Variants in GYS2 observed in about 807,000 individuals in gnomAD.
The protein encoded by GYS2 is glycogen [starch] synthase, liver.
In GYS2, 80 loss-of-function variants were observed where a neutral mutation model predicts 85.6. That is an observed-to-expected ratio of 0.93 (90% CI 0.78 to 1.13). The LOEUF (loss-of-function observed/expected upper bound fraction) is 1.13. Among genes scored for constraint, GYS2 ranks in the 50% most tolerant of loss-of-function variants. GYS2 has a pLI of 0.00. For synonymous variants in GYS2, 328 were observed against 300.7 expected (o/e 1.09, Z -0.94); for missense variants, 881 against 854.9 (o/e 1.03, Z -0.38).
At chr12:21,587,335 T>C (rs1427250413) in intron 1 of GYS2, among the ~76,000 whole-genome samples, 1 of 152,216 alleles carries the variant, frequency 6.6e-6, no homozygotes, top group Middle Eastern at 3.2e-3. Flanking sequence ...CTGATACAGC[T>C]TGACTGTGTC....
At chr12:21,562,456 C>T (rs1944265078) in intron 7 of GYS2, among the ~76,000 whole-genome samples, 2 of 152,090 alleles carry the variant, frequency 1.3e-5, no homozygotes, top group African/African-American at 2.4e-5. Context: ...AGAGTCATAA[C>T]AAGGTTCAGT....
chr12:21,551,465 A>T (rs1486020679), intron 11 of GYS2, among the ~76,000 whole-genome samples: 1 of 151,954 alleles, frequency 6.6e-6, no homozygotes, highest in Non-Finnish European at 1.5e-5. Flanking sequence ...TGAATTATCA[A>T]TTTTAAATTG....
Position 21,542,379 on chromosome 12 carries a change from T to C in GYS2, c.1645+117A>G, listed in dbSNP as rs528040160. On this transcript the variant is annotated intron_variant, in intron 13 of 15. Transcript: ENST00000261195. ...TTGACTTTTAATTAAACAAGAAATA[T>C]AAAAACATTAGTTTAATTATCAGGA... 5.8e-4 allele frequency: 437 copies of C among 754,212 alleles called. 2 individuals are homozygous for C. The highest frequency in any genetic ancestry group is 1.2e-3 in the South Asian group (85 of 69,504). 46.7% of individuals were successfully genotyped at this position (754,212 alleles called of 1,614,324 possible).
At chr12:21,603,099 T>A (rs1033952010) in intron 1 of GYS2, among the ~76,000 whole-genome samples, 8 of 151,992 alleles carry the variant, frequency 5.3e-5, no homozygotes, top group Non-Finnish European at 8.8e-5. Flanking sequence ...ACTGGAAAAA[T>A]TTGTGACTAG....
chr12:21,563,519 C>T (rs767561017), intron 5 of GYS2, among the ~76,000 whole-genome samples, 174 bp from the exon 6 acceptor site: 3 of 152,116 alleles, frequency 2.0e-5, no homozygotes, highest in South Asian at 2.1e-4. Flanking sequence ...CATAAAAATT[C>T]GCAACAAATT....
downstream of GYS2, among the ~76,000 whole-genome samples, chr12:21,533,838 A>G (rs956963732): frequency 6.6e-6 from 1 of 152,208 alleles, no homozygotes; most frequent in Non-Finnish European, 1.5e-5. Context: ...TATTTCTCAC[A>G]ATTCTGGAGC....
chr12:21,566,258 A>G (rs1450695849), intron 5 of GYS2, among the ~76,000 whole-genome samples: 2 of 152,078 alleles, frequency 1.3e-5, no homozygotes, highest in East Asian at 3.8e-4. Flanking sequence ...TTGCACCCTC[A>G]GCGTTAAAAG....
chr12:21,592,093 T>C (rs957127941), intron 1 of GYS2, among the ~76,000 whole-genome samples: 2 of 135,946 alleles, frequency 1.5e-5, no homozygotes, highest in Non-Finnish European at 3.2e-5. Context: ...GAGAAAGAAC[T>C]CAAACGTTAC....
intron 1 of GYS2, among the ~76,000 whole-genome samples, chr12:21,596,379 C>T (rs1211917383): frequency 6.6e-6 from 1 of 151,668 alleles, no homozygotes; most frequent in Non-Finnish European, 1.5e-5. Context: ...AATTCAACAA[C>T]ATAACAAAAA....
rs575883918 is a variant in GYS2, at chr12:21,579,591, C to T, written c.303+751G>A. Among the ~76,000 whole-genome samples, 8 of 152,180 alleles carry T rather than the reference C, an allele frequency of 5.3e-5. No homozygotes were observed. The South Asian group carries it at 1.7e-3, about 32-fold the overall frequency. Reference sequence around the variant, plus strand: ...GACCAGGCTGGTCTTGAACTTCTGACCTCAGGTGATCCATCCATCTTGGCC... The same window carrying T: ...GACCAGGCTGGTCTTGAACTTCTGATCTCAGGTGATCCATCCATCTTGGCC... On this transcript the variant is annotated intron_variant, in intron 2 of 15. Coordinates refer to ENST00000261195, the MANE Select transcript of GYS2 (RefSeq NM_021957.4).
intron 2 of GYS2, among the ~76,000 whole-genome samples, chr12:21,576,403 T>G (rs1051025926): frequency 1.3e-5 from 2 of 152,218 alleles, no homozygotes; most frequent in Non-Finnish European, 2.9e-5. Flanking sequence ...AGCCATGAAA[T>G]GCTTTGTATC....
chr12:21,542,630 G>A (rs774588460), intron 12 of GYS2, 39 bp from the exon 13 acceptor site: 1 of 1,373,136 alleles, frequency 7.3e-7, no homozygotes, highest in Admixed American at 1.7e-5. Context: ...CTTCAGACCA[G>A]CGCCTATATC....
intron 11 of GYS2, among the ~76,000 whole-genome samples, chr12:21,547,366 C>A (rs1251945741): frequency 6.6e-6 from 1 of 152,142 alleles, no homozygotes; most frequent in Non-Finnish European, 1.5e-5. Context: ...TTGGAAGCAA[C>A]ACAGATGTCC....
intron 11 of GYS2, among the ~76,000 whole-genome samples, chr12:21,556,780 T>C (rs1264626034): frequency 3.9e-5 from 6 of 152,374 alleles, no homozygotes; most frequent in Non-Finnish European, 7.3e-5. Flanking sequence ...TTACTCCCAG[T>C]ATCCATCAGT....
intron 15 of GYS2, among the ~76,000 whole-genome samples, 189 bp downstream of exon 15, chr12:21,539,069 G>A (rs2136835335): frequency 6.6e-6 from 1 of 152,308 alleles, no homozygotes; most frequent in African/African-American, 2.4e-5. Flanking sequence ...TCTCCAATGA[G>A]ATGAATTAAC....
chr12:21,581,763 A>G lies in GYS2; in HGVS notation c.122-1240T>C, dbSNP rs540117123. On this transcript the variant is annotated intron_variant, in intron 1 of 15. Coordinates refer to ENST00000261195, the MANE Select transcript of GYS2 (RefSeq NM_021957.4). ...GAAAATTAAGGAGAGTATGAAAAGG[A>G]TGTTTACTAAAGCATTATGATGGCA... is the stretch of plus-strand genomic sequence containing the variant. 2.0e-5 allele frequency among the ~76,000 whole-genome samples: 3 copies of G among 152,330 alleles called. 1 individual carries two copies. The South Asian group carries it at 6.2e-4, about 32-fold the overall frequency.
In GYS2 at chr12:21,568,849, C is replaced by T; in HGVS notation, c.823+16G>A. On this transcript the variant is annotated intron_variant, in intron 5 of 15. Transcript: ENST00000261195. ...ATTCGGAACTGAAAGATAGGTGATC[C>T]AGGGATAATAATTACCAGGCTTTCT... The T allele has an allele frequency of 6.2e-7, 1 of 1,605,786 alleles. No individual in the cohort carries two copies. The highest frequency in any genetic ancestry group is 1.1e-5 in the South Asian group (1 of 90,888).
intron 2 of GYS2, 71 bp downstream of exon 2, chr12:21,580,271 T>C (rs1944493769): frequency 7.7e-7 from 1 of 1,303,062 alleles, no homozygotes; most frequent in African/African-American, 1.4e-5. Flanking sequence ...CTCTTGTGAG[T>C]TCATGTTAGT....
intron 14 of GYS2, 26 bp from the exon 15 acceptor site, chr12:21,539,364 G>C: frequency 7.5e-7 from 1 of 1,334,636 alleles, no homozygotes; most frequent in South Asian, 1.2e-5. Flanking sequence ...CAAATCACAG[G>C]TTAATAAAAA....
Sources: allele counts gnomAD v4.1 joint callset (sites outside exome capture counted in the v4.1 genomes callset), GRCh38; gene constraint gnomAD v4.1.1; transcripts MANE v1.5; gene names NCBI Gene and HGNC (gene_info 2026-07-23, HGNC 2026-07-21).